Variants in ARHGEF38 observed in about 807,000 individuals in gnomAD.
The protein encoded by ARHGEF38 is Rho guanine nucleotide exchange factor 38.
In ARHGEF38, 79 loss-of-function variants were observed where a neutral mutation model predicts 79.9. That is an observed-to-expected ratio of 0.99 (90% confidence interval 0.82 to 1.19). ARHGEF38 has a LOEUF of 1.19. Among genes scored for constraint, ARHGEF38 ranks in the 50% most tolerant of loss-of-function variants. ARHGEF38 has a pLI of 0.00. For missense variants in ARHGEF38, 962 were observed against 907.2 expected, an observed-to-expected ratio of 1.06 and a Z score of -0.78; for synonymous variants, 366 against 328.3, an observed-to-expected ratio of 1.11 and a Z score of -1.24.
intron 2 of ARHGEF38, among the ~76,000 whole-genome samples, chr4:105,604,015 C>G (rs1727934702): frequency 6.6e-6 from 1 of 152,072 alleles, no homozygotes; most frequent in African/African-American, 2.4e-5. Context: ...TCATGGGATT[C>G]CATGGAGACA....
chr4:105,593,749 C>A (rs1015829760), intron 2 of ARHGEF38, among the ~76,000 whole-genome samples: 1 of 152,078 alleles, frequency 6.6e-6, no homozygotes, highest in Non-Finnish European at 1.5e-5. Flanking sequence ...TTCTCCAATT[C>A]TTTTTTGTGC....
Position 105,558,481 on chromosome 4 carries a change from A to C in ARHGEF38, c.196+5520A>C, listed in dbSNP as rs1366510537. ...GAAATGGGAAGTATTTGAATCAGTA[A>C]TGTGACACCAGTACAAACAGGTGTG... On this transcript the variant is annotated intron_variant, in intron 1 of 13. Coordinates refer to ENST00000420470, the MANE Select transcript of ARHGEF38 (RefSeq NM_001242729.2). Among the ~76,000 whole-genome samples, 5 of 152,194 alleles carry C rather than the reference A, an allele frequency of 3.3e-5. No individual in the cohort carries two copies. In the East Asian group the frequency reaches 9.6e-4, roughly 29 times the overall value.
Position 105,679,376 on chromosome 4 carries a change from G to A in ARHGEF38, c.*1439G>A. 7.8e-7 allele frequency: 1 copy of A among 1,274,454 alleles called. No individual in the cohort carries two copies. The highest frequency in any genetic ancestry group is 1.2e-5 in the South Asian group (1 of 83,510). The allele number at this position is 1,274,454 out of a possible 1,614,324, so 78.9% of individuals were successfully genotyped here. On this transcript the variant is annotated 3_prime_UTR_variant, in exon 14 of 14. Transcript: ENST00000420470. The stretch of plus-strand genomic sequence containing the variant: ...TATTTCCTTTCAGGAGGCACACTCT[G>A]GTAATCTGAGACACTGCATTACTAT...
Position 105,677,920 on chromosome 4 carries a change from A to T in ARHGEF38, c.2317A>T (p.Lys773Ter). The change falls in exon 14 of 14, where the codon AAG becomes TAG. Residue 773 changes from lysine to a stop codon, truncating the protein, a stop_gained. Coordinates refer to ENST00000420470, the MANE Select transcript of ARHGEF38 (RefSeq NM_001242729.2). LOFTEE classifies it high-confidence loss of function. Reference protein sequence around the residue: ...KGYVPANYLGKMTYA With the variant: ...KGYVPANYLG ...ATACGTGCCAGCTAACTACCTTGGA[A>T]AGATGACTTATGCTTAAGAAAATAA... 5 of 1,522,430 alleles carry T rather than the reference A, an allele frequency of 3.3e-6. No homozygotes were observed. The highest frequency in any genetic ancestry group is 2.6e-6 in the Non-Finnish European group (3 of 1,138,180). The allele number at this position is 1,522,430 out of a possible 1,614,324, so 94.3% of individuals were successfully genotyped here.
chr4:105,667,913 G>C (rs576883133), intron 13 of ARHGEF38, among the ~76,000 whole-genome samples: 1 of 152,180 alleles, frequency 6.6e-6, no homozygotes, highest in African/African-American at 2.4e-5. Context: ...GATAAAGTGT[G>C]TATGTAAAGT....
intron 3 of ARHGEF38, among the ~76,000 whole-genome samples, chr4:105,622,596 G>C (rs564650217): frequency 6.6e-6 from 1 of 152,218 alleles, no homozygotes; most frequent in South Asian, 2.1e-4. Flanking sequence ...CCAAAAAGGG[G>C]TTTATTTTTC....
chr4:105,559,352 G>A (rs1200732789), intron 1 of ARHGEF38, among the ~76,000 whole-genome samples: 1 of 152,116 alleles, frequency 6.6e-6, no homozygotes, highest in Non-Finnish European at 1.5e-5. Flanking sequence ...GCAGACTGTG[G>A]TTGCTGGTGT....
intron 1 of ARHGEF38, 78 bp downstream of exon 1, chr4:105,553,039 A>G: frequency 7.4e-6 from 9 of 1,212,218 alleles, no homozygotes; most frequent in Non-Finnish European, 9.2e-6. Context: ...TGCAAAGAAA[A>G]CACACAAGGC....
chr4:105,652,010 A>G (rs1020940942), intron 7 of ARHGEF38, among the ~76,000 whole-genome samples: 2 of 152,220 alleles, frequency 1.3e-5, no homozygotes, highest in Admixed American at 6.5e-5. Context: ...TCAGACATGA[A>G]AACAAGGCTT....
At chr4:105,634,564 G>A (rs553360126) in intron 4 of ARHGEF38, among the ~76,000 whole-genome samples, 181 of 152,210 alleles carry the variant, frequency 1.2e-3, no homozygotes, top group Non-Finnish European at 2.3e-3. Flanking sequence ...GAAAGATAGC[G>A]TGGCTATAAA....
chr4:105,561,419 A>AATAGAATAGAATGGAATGGAATGGAATG (rs1725538816), intron 1 of ARHGEF38, among the ~76,000 whole-genome samples: 1 of 46,048 alleles, frequency 2.2e-5, no homozygotes, highest in African/African-American at 9.8e-5. Context: ...AGAATAGAAT[A>AATAGAATAGAATGGAATGGAATGGAATG]GAATGGAATA....
At chr4:105,648,707 AC>A (rs1415916973) in intron 7 of ARHGEF38, 25 bp downstream of exon 7, 1 of 1,490,262 alleles carries the variant, frequency 6.7e-7, no homozygotes, top group South Asian at 1.3e-5. Flanking sequence ...TGGACCACCC[AC>A]CTTTTCCCAG....
intron 1 of ARHGEF38, among the ~76,000 whole-genome samples, chr4:105,577,842 G>T (rs1290353617): frequency 6.6e-6 from 1 of 151,936 alleles, no homozygotes; most frequent in African/African-American, 2.4e-5. Context: ...TCTTGCTAAT[G>T]GCCTATCAAT....
At chr4:105,578,558 G>A (rs1217480584) in intron 1 of ARHGEF38, among the ~76,000 whole-genome samples, 2 of 152,026 alleles carry the variant, frequency 1.3e-5, no homozygotes, top group Non-Finnish European at 2.9e-5. Flanking sequence ...GCTGTCTTAG[G>A]TCTAGTAGTA....
At chr4:105,557,984 G>A (rs1156543638) in intron 1 of ARHGEF38, among the ~76,000 whole-genome samples, 2 of 152,042 alleles carry the variant, frequency 1.3e-5, no homozygotes, top group Non-Finnish European at 2.9e-5. Flanking sequence ...TACCACTGCC[G>A]GTAACACAAG....
At chr4:105,589,474 C>A in intron 2 of ARHGEF38, 39 bp downstream of exon 2, 1 of 1,546,002 alleles carries the variant, frequency 6.5e-7, no homozygotes, top group Admixed American at 1.8e-5. Flanking sequence ...TCTCCCATAT[C>A]ATAAATAGGA....
chr4:105,626,505 T>A (rs1302005228), intron 3 of ARHGEF38, among the ~76,000 whole-genome samples: 1 of 152,228 alleles, frequency 6.6e-6, no homozygotes, highest in Non-Finnish European at 1.5e-5. Context: ...CTTTCCCAAC[T>A]GTCACACATC....
Position 105,679,556 on chromosome 4 carries a change from A to G in ARHGEF38, c.*1619A>G. 1 of 1,073,574 alleles carries G rather than the reference A, an allele frequency of 9.3e-7. No individual in the cohort carries two copies. The highest frequency in any genetic ancestry group is 2.4e-5 in the East Asian group (1 of 42,360). 66.5% of individuals were successfully genotyped at this position (1,073,574 alleles called of 1,614,324 possible). On this transcript the variant is annotated 3_prime_UTR_variant, in exon 14 of 14. Transcript: ENST00000420470. ...TGTGGGCTAAAGCTGCAGCCAATGCATCTATCGCCCCTTTCTCTTCTATCA... is the reference window on the plus strand; with the variant it reads ...TGTGGGCTAAAGCTGCAGCCAATGCGTCTATCGCCCCTTTCTCTTCTATCA...
At chr4:105,669,704 A>G (rs1487728902) in intron 13 of ARHGEF38, among the ~76,000 whole-genome samples, 1 of 152,142 alleles carries the variant, frequency 6.6e-6, no homozygotes, top group African/African-American at 2.4e-5. Context: ...CAAGTTTAGT[A>G]TATTTACAAA....
Sources: gnomAD v4.1 joint callset for allele counts (sites outside exome capture counted in the v4.1 genomes callset) on GRCh38, gnomAD v4.1.1 for gene constraint, MANE v1.5 for transcripts, NCBI Gene and HGNC (gene_info 2026-07-23, HGNC 2026-07-21) for gene names.